The following CCDC141 variants were observed in gnomAD, a reference collection of about 807,000 sequenced individuals.
The protein encoded by CCDC141 is coiled-coil domain-containing protein 141.
Under a neutral mutation model 181.0 loss-of-function variants are expected in CCDC141, and 168 were observed. The observed-to-expected ratio is 0.93, with a 90% CI of 0.82 to 1.05. The LOEUF (loss-of-function observed/expected upper bound fraction) is 1.05, where lower values mean the gene tolerates loss of function less well. CCDC141 is among the 50% of genes least tolerant of loss of function. The pLI is 0.00. For missense variants in CCDC141, 1,902 were observed against 1,788.5 expected, an observed-to-expected ratio of 1.06 and a Z score of -1.14; for synonymous variants, 666 against 642.3, an observed-to-expected ratio of 1.04 and a Z score of -0.56.
chr2:178,872,176 G>C lies in CCDC141; in HGVS notation c.2036C>G (p.Pro679Arg). ...GAATGCCGCCCACTGCTGTTTTCCA[G>C]GCTTGCTTTCCGTGGCTTTAAGCTG... Reference protein sequence around the residue: ...AWQLKATESKPGKQQWAAFKE... With the variant: ...AWQLKATESKRGKQQWAAFKE... The change falls in exon 13 of 24, where the codon CCT (proline) becomes CGT (arginine). Residue 679 changes from proline to arginine, a missense_variant. Physicochemically the swap from Pro to Arg is moderately radical, Grantham distance 103 (BLOSUM62 -2). Coordinates refer to ENST00000443758, the MANE Select transcript of CCDC141 (RefSeq NM_173648.4). 6.2e-7 allele frequency: 1 copy of C among 1,613,938 alleles called. No individual in the cohort carries two copies. Among genetic ancestry groups the C allele is most frequent in the South Asian group, 1.1e-5 (1 of 91,062 alleles).
At chr2:179,015,101 TATAA>T (rs201687203) in intron 2 of CCDC141, among the ~76,000 whole-genome samples, 15 of 36,444 alleles carry the variant, frequency 4.1e-4, no homozygotes, top group Admixed American at 1.3e-3. Context: ...TATATATATA[TATAA>T]TATATATATA....
At chr2:178,962,970 A>C (rs1690472320) in intron 4 of CCDC141, among the ~76,000 whole-genome samples, 1 of 152,208 alleles carries the variant, frequency 6.6e-6, no homozygotes, top group Non-Finnish European at 1.5e-5. Context: ...CTCAAAGTAC[A>C]AATCAGATGG....
At chr2:179,038,337 G>C (rs1002958667) in intron 2 of CCDC141, among the ~76,000 whole-genome samples, 10 of 152,100 alleles carry the variant, frequency 6.6e-5, no homozygotes, top group African/African-American at 2.4e-4. Flanking sequence ...GACAGAAAGT[G>C]GATTAGAGCT....
intron 2 of CCDC141, among the ~76,000 whole-genome samples, chr2:179,014,424 A>G (rs2042365180): frequency 6.6e-6 from 1 of 152,192 alleles, no homozygotes; most frequent in Non-Finnish European, 1.5e-5. Flanking sequence ...AATAGCTGGG[A>G]CCTAATGAAA....
chr2:178,978,059 C>T (rs1020397279), intron 3 of CCDC141, among the ~76,000 whole-genome samples: 6 of 152,102 alleles, frequency 3.9e-5, no homozygotes, highest in Non-Finnish European at 7.4e-5. Context: ...TCTATAATTG[C>T]CTTTTTAAAA....
In CCDC141 at chr2:178,837,646, G is replaced by A. The variant is rs776160464; in HGVS notation, c.3573C>T (p.Val1191=). 5 of 1,613,912 alleles carry A rather than the reference G, an allele frequency of 3.1e-6. No individual in the cohort carries two copies. In the East Asian group the frequency reaches 6.7e-5, roughly 22 times the overall value. The change falls in exon 23 of 24, where the codon GTC becomes GTT. Residue 1191 remains valine (V), a synonymous_variant. Transcript: ENST00000443758. The stretch of plus-strand genomic sequence containing the variant: ...TGTCTTCAGGCAGGAGCAGGTCCTG[G>A]ACGCCACCCTCCTTGTCAGTGGACA... The part of the protein sequence containing the change: ...LKVSTDKEGG[V]QDLLLPEDML...
downstream of CCDC141, among the ~76,000 whole-genome samples, chr2:178,829,375 T>C (rs990493): frequency 1 from 152,157 of 152,324 alleles, 75,995 homozygotes; most frequent in Middle Eastern, 1. Context: ...GCAGGCCAAA[T>C]GCTCAAACTC....
intron 2 of CCDC141, among the ~76,000 whole-genome samples, chr2:179,041,576 C>T (rs1214977802): frequency 4.4e-5 from 6 of 137,508 alleles, no homozygotes; most frequent in Non-Finnish European, 6.1e-5. Flanking sequence ...CAATACTAAC[C>T]TTAAATGTAA....
chr2:178,979,899 A>G (rs1691290050), intron 2 of CCDC141, among the ~76,000 whole-genome samples: 1 of 152,162 alleles, frequency 6.6e-6, no homozygotes, highest in East Asian at 1.9e-4. Context: ...ACATTTAAAA[A>G]CTTTAAATAT....
intron 6 of CCDC141, among the ~76,000 whole-genome samples, chr2:178,941,819 G>A (rs1382683308): frequency 1.3e-5 from 2 of 151,356 alleles, no homozygotes; most frequent in African/African-American, 4.9e-5. Context: ...AATTTGCCAG[G>A]TATGGGGGTG....
At chr2:178,864,132 A>C (rs1052394872) in intron 17 of CCDC141, among the ~76,000 whole-genome samples, 1 of 152,158 alleles carries the variant, frequency 6.6e-6, no homozygotes. Context: ...GCTTTAGCAA[A>C]TGTAGAGCCC....
At chr2:178,945,543 G>A (rs1689693068) in intron 5 of CCDC141, among the ~76,000 whole-genome samples, 1 of 152,222 alleles carries the variant, frequency 6.6e-6, no homozygotes, top group East Asian at 1.9e-4. Context: ...CAGTCTGCAG[G>A]ATTTCAAATC....
At chr2:179,045,764 A>C (rs1316090253) in intron 2 of CCDC141, among the ~76,000 whole-genome samples, 1 of 151,970 alleles carries the variant, frequency 6.6e-6, no homozygotes, top group Non-Finnish European at 1.5e-5. Context: ...GATGGCAAAA[A>C]GTGGGTGAAG....
the CCDC141 span, among the ~76,000 whole-genome samples, chr2:178,815,232 T>C: frequency 2.0e-5 from 3 of 152,168 alleles, no homozygotes; most frequent in Non-Finnish European, 4.4e-5. Context: ...ATCAGATAAA[T>C]ATGATGACAA....
chr2:178,945,680 A>T (rs1296897406), intron 5 of CCDC141, among the ~76,000 whole-genome samples: 2 of 152,266 alleles, frequency 1.3e-5, no homozygotes, highest in East Asian at 3.9e-4. Context: ...TAATGGGCAT[A>T]TAAATCCCAA....
intron 6 of CCDC141, among the ~76,000 whole-genome samples, chr2:178,931,760 G>A (rs1689109901): frequency 6.6e-6 from 1 of 152,116 alleles, no homozygotes; most frequent in African/African-American, 2.4e-5. Flanking sequence ...ACACAATACT[G>A]TGAATTTACT....
At chr2:179,044,178 C>T (rs2043406988) in intron 2 of CCDC141, among the ~76,000 whole-genome samples, 1 of 152,238 alleles carries the variant, frequency 6.6e-6, no homozygotes, top group South Asian at 2.1e-4. Flanking sequence ...AATGGAAGAA[C>T]ATTCCATGCT....
chr2:178,897,687 A>T (rs567094787), intron 8 of CCDC141, among the ~76,000 whole-genome samples: 1 of 152,180 alleles, frequency 6.6e-6, no homozygotes, highest in African/African-American at 2.4e-5. Flanking sequence ...TGTCAATTAT[A>T]TCAGTTAATT....
rs745404016 is a variant in CCDC141, at chr2:178,868,192, A to G, written c.2408T>C (p.Ile803Thr). Residue 803 changes from isoleucine to threonine, a missense_variant, in exon 16 of 24, where the codon ATC becomes ACC. By Grantham distance (89) the Ile-to-Thr change is moderately conservative (BLOSUM62 -1). Coordinates refer to ENST00000443758, the MANE Select transcript of CCDC141 (RefSeq NM_173648.4). ...TACAAACTCCAGCTCTCTTGATTTGATGAGACGTCCCAGCTACAATTTAGG... is the reference window on the plus strand; with the variant it reads ...TACAAACTCCAGCTCTCTTGATTTGGTGAGACGTCCCAGCTACAATTTAGG... The part of the protein sequence containing the change: ...HQVKEELGRL[I>T]KSRELEFVEQ... 44 of 1,608,774 alleles carry G rather than the reference A, an allele frequency of 2.7e-5. No homozygotes were observed. In the African/African-American group the frequency reaches 5.5e-4, roughly 20 times the overall value.
Sources: allele counts gnomAD v4.1 joint callset (sites outside exome capture counted in the v4.1 genomes callset), GRCh38; gene constraint gnomAD v4.1.1; transcripts MANE v1.5; gene names NCBI Gene and HGNC (gene_info 2026-07-23, HGNC 2026-07-21).